The following SLC44A1 variants were observed in gnomAD, a reference collection of about 807,000 sequenced individuals.
SLC44A1 encodes the protein solute carrier family 44 member 1.
Under a neutral mutation model 79.3 loss-of-function variants are expected in SLC44A1, and 26 were observed. The observed-to-expected ratio is 0.33, with a 90% confidence interval of 0.24 to 0.46. The LOEUF is 0.46. Among genes scored for constraint, SLC44A1 ranks in the 20% least tolerant of loss-of-function variants. The pLI is 1.00. For missense variants in SLC44A1, 688 were observed against 798.1 expected, an observed-to-expected ratio of 0.86 and a Z score of 1.66; for synonymous variants, 263 against 286.2, an observed-to-expected ratio of 0.92 and a Z score of 0.82.
At chr9:105,294,768 A>C (rs1218810577) in intron 1 of SLC44A1, 1 of 149,194 alleles carries the variant, frequency 6.7e-6, no homozygotes. Flanking sequence ...CCTCTGCCTC[A>C]TTCTGTCTTC....
intron 1 of SLC44A1, among the ~76,000 whole-genome samples, chr9:105,296,177 A>G (rs535584438): frequency 6.6e-6 from 1 of 152,310 alleles, no homozygotes; most frequent in African/African-American, 2.4e-5. Flanking sequence ...TTGCTTCTCA[A>G]AACAGCCCTG....
At chr9:105,426,289 C>T (rs1829321984) in intron 15 of SLC44A1, among the ~76,000 whole-genome samples, 1 of 152,150 alleles carries the variant, frequency 6.6e-6, no homozygotes, top group Non-Finnish European at 1.5e-5. Flanking sequence ...CAGTGCACTG[C>T]ATTATTTCTA....
At chr9:105,365,379 T>G in intron 10 of SLC44A1, 104 bp from the exon 11 acceptor site, 21 of 781,536 alleles carry the variant, frequency 2.7e-5, no homozygotes, top group Non-Finnish European at 3.9e-5. Flanking sequence ...ATAAGAATGA[T>G]GAGCTGATTT....
At chr9:105,308,436 G>A (rs780889799) in intron 2 of SLC44A1, among the ~76,000 whole-genome samples, 31 of 152,146 alleles carry the variant, frequency 2.0e-4, no homozygotes, top group Non-Finnish European at 3.8e-4. Context: ...GCAAATCAGG[G>A]CTAGTCTCTA....
intron 15 of SLC44A1, among the ~76,000 whole-genome samples, chr9:105,412,749 C>T (rs891169916): frequency 1.3e-5 from 2 of 152,042 alleles, no homozygotes; most frequent in African/African-American, 4.8e-5. Flanking sequence ...TTACAGACAC[C>T]TGCCACCACG....
intron 13 of SLC44A1, among the ~76,000 whole-genome samples, chr9:105,375,643 T>TTAC (rs1268411112): frequency 6.6e-6 from 1 of 152,210 alleles, no homozygotes; most frequent in African/African-American, 2.4e-5. Flanking sequence ...ATCATTATTA[T>TTAC]TACAGTATTA....
chr9:105,271,901 A>C (rs575764928), intron 1 of SLC44A1, among the ~76,000 whole-genome samples: 1 of 152,342 alleles, frequency 6.6e-6, no homozygotes, highest in African/African-American at 2.4e-5. Context: ...GGCGTGAGCC[A>C]CTGCGCCTGG....
At chr9:105,269,322 C>T (rs1297338347) in intron 1 of SLC44A1, among the ~76,000 whole-genome samples, 4 of 152,126 alleles carry the variant, frequency 2.6e-5, no homozygotes, top group African/African-American at 7.2e-5. Context: ...TCTCTTTAGA[C>T]ACTCTTTTTA....
At position 105,393,695 on chromosome 9, in the gene SLC44A1, A is replaced by T; in HGVS notation, c.*4639A>T. 1 of 984,776 alleles carries T rather than the reference A, an allele frequency of 1.0e-6. No homozygotes were observed. The highest frequency in any genetic ancestry group is 1.7e-5 in the African/African-American group (1 of 57,342). 61.0% of individuals were successfully genotyped at this position (984,776 alleles called of 1,614,324 possible). A position where few individuals can be genotyped will look rare whatever the true frequency, so the allele number is the denominator to read the frequency against. ...AATGATGATTCAGTTTCAATATTGC[A>T]TGAACAATTGCCACTTTGTAAATTA... On this transcript the variant is annotated 3_prime_UTR_variant, in exon 16 of 16. Coordinates refer to ENST00000374720, the MANE Select transcript of SLC44A1 (RefSeq NM_080546.5).
At chr9:105,376,443 G>A (rs1042586340) in intron 13 of SLC44A1, among the ~76,000 whole-genome samples, 3 of 148,972 alleles carry the variant, frequency 2.0e-5, no homozygotes, top group Non-Finnish European at 3.0e-5. Context: ...GCACAATTTC[G>A]GCTCACTGCA....
chr9:105,268,526 G>A (rs780148034), intron 1 of SLC44A1, among the ~76,000 whole-genome samples: 29 of 151,016 alleles, frequency 1.9e-4, no homozygotes, highest in Admixed American at 2.6e-4. Context: ...TTTTTGAGAC[G>A]GAGTTTCGCT....
intron 1 of SLC44A1, among the ~76,000 whole-genome samples, chr9:105,257,148 G>A (rs1245192812): frequency 2.6e-5 from 4 of 151,288 alleles, no homozygotes; most frequent in Non-Finnish European, 5.9e-5. Context: ...CCATACTGGA[G>A]TACAGTGGCA....
intron 6 of SLC44A1, chr9:105,357,167 T>C (rs1348331105): frequency 1.3e-5 from 2 of 152,206 alleles, no homozygotes; most frequent in Non-Finnish European, 2.9e-5. Context: ...CTTGACTCAA[T>C]TGAAATAATG....
At chr9:105,431,604 A>C (rs1441333118) in intron 15 of SLC44A1, among the ~76,000 whole-genome samples, 1 of 152,256 alleles carries the variant, frequency 6.6e-6, no homozygotes, top group Non-Finnish European at 1.5e-5. Context: ...GATCATAAAA[A>C]GGGCATGCGC....
chr9:105,351,586 A>G (rs9696270), intron 5 of SLC44A1, among the ~76,000 whole-genome samples: 6,224 of 103,416 alleles, frequency 0.06, 484 homozygotes, highest in African/African-American at 0.19. Context: ...GAAAGAGAGA[A>G]AGAGAGAAAG....
intron 14 of SLC44A1, among the ~76,000 whole-genome samples, chr9:105,384,925 T>A (rs1215263948): frequency 2.0e-5 from 3 of 152,172 alleles, no homozygotes; most frequent in Admixed American, 6.5e-5. Context: ...ACACTTTTTT[T>A]AAAAAGAGTA....
intron 2 of SLC44A1, among the ~76,000 whole-genome samples, chr9:105,300,345 T>A (rs572492715): frequency 2.0e-5 from 3 of 152,284 alleles, no homozygotes; most frequent in Non-Finnish European, 4.4e-5. Context: ...GCAATTACAC[T>A]ACCTCAGGCA....
At chr9:105,343,265 T>G (rs898518172) in intron 4 of SLC44A1, among the ~76,000 whole-genome samples, 6 of 151,016 alleles carry the variant, frequency 4.0e-5, no homozygotes, top group Non-Finnish European at 8.8e-5. Flanking sequence ...AAAAAAAATT[T>G]GAGAGCTTTA....
intron 1 of SLC44A1, among the ~76,000 whole-genome samples, chr9:105,292,837 T>C (rs1189415169): frequency 6.6e-6 from 1 of 152,340 alleles, no homozygotes; most frequent in African/African-American, 2.4e-5. Context: ...GTATTTTGTG[T>C]GGTGCCCAGT....
Sources: gnomAD v4.1 joint callset for allele counts (sites outside exome capture counted in the v4.1 genomes callset) on GRCh38, gnomAD v4.1.1 for gene constraint, MANE v1.5 for transcripts, NCBI Gene and HGNC (gene_info 2026-07-23, HGNC 2026-07-21) for gene names.